Variants in DR1 observed in about 807,000 individuals in gnomAD.
DR1 encodes the protein protein Dr1.
DR1 carries 7 observed loss-of-function variants against 19.9 expected under a neutral mutation model. That is an observed-to-expected ratio of 0.35 (90% CI 0.20 to 0.66). The LOEUF is 0.66. Ranked by LOEUF, DR1 falls within the 30% of genes least tolerant of loss-of-function variation. The pLI is 0.66. For synonymous variants in DR1, 76 were observed against 72.5 expected, an observed-to-expected ratio of 1.05 and a Z score of -0.24; for missense variants, 98 against 203.7, an observed-to-expected ratio of 0.48 and a Z score of 3.16.
rs1446692314 is a variant in DR1 at position 93,345,963 on chromosome 1, C to G, written c.-683C>G. 6.5e-6 allele frequency: 1 copy of G among 154,146 alleles called. No individual in the cohort carries two copies. Among genetic ancestry groups the G allele is most frequent in the Non-Finnish European group, 1.4e-5 (1 of 68,972 alleles). The allele number at this position is 154,146 out of a possible 1,614,324, so 9.5% of individuals were successfully genotyped here. ...CCTTCCCTGGCATCTGGAGGGACCACCGTTGCCGCGTCTTCGGCTTCCACG... is the reference window on the plus strand; with the variant it reads ...CCTTCCCTGGCATCTGGAGGGACCAGCGTTGCCGCGTCTTCGGCTTCCACG... On this transcript the variant is annotated 5_prime_UTR_variant, in exon 1 of 3. Transcript: ENST00000370272.
In DR1 at chr1:93,363,280, A is replaced by G. The variant is rs981693540; in HGVS notation, c.*2641A>G. 1.3e-5 allele frequency: 2 copies of G among 152,204 alleles called. No individual in the cohort carries two copies. Among genetic ancestry groups the G allele is most frequent in the Non-Finnish European group, 2.9e-5 (2 of 68,036 alleles). The allele number at this position is 152,204 out of a possible 1,614,324, so 9.4% of individuals were successfully genotyped here. ...TTTTTTATTTTATGTAAATGTAATC[A>G]TACATAATACACTTTTTTTCATTCA... On this transcript the variant is annotated 3_prime_UTR_variant, in exon 3 of 3. Transcript: ENST00000370272.
Position 93,364,407 on chromosome 1 carries a change from A to G in DR1, c.*3768A>G, listed in dbSNP as rs1274595286. 1 of 152,194 alleles carries G rather than the reference A, an allele frequency of 6.6e-6. No individual in the cohort carries two copies. Among genetic ancestry groups the G allele is most frequent in the Non-Finnish European group, 1.5e-5 (1 of 68,028 alleles). The allele number at this position is 152,194 out of a possible 1,614,324, so 9.4% of individuals were successfully genotyped here. ...ATTGAATTTTAAATTTTGGGTTATA[A>G]CCTCATTAAAATGCATGATATTTCC... On this transcript the variant is annotated 3_prime_UTR_variant, in exon 3 of 3. Coordinates refer to ENST00000370272, the MANE Select transcript of DR1 (RefSeq NM_001938.3).
In DR1 at chr1:93,346,474, G is replaced by A. The variant is rs530366930; in HGVS notation, c.-172G>A. 9.9e-6 allele frequency: 6 copies of A among 609,108 alleles called. No homozygotes were observed. Among genetic ancestry groups the A allele is most frequent in the East Asian group, 5.5e-5 (2 of 36,340 alleles). 37.7% of individuals were successfully genotyped at this position (609,108 alleles called of 1,614,324 possible). A position where few individuals can be genotyped will look rare whatever the true frequency, so the allele number is the denominator to read the frequency against. ...CTCATCCTAAATCTCTCACACACGC[G>A]AGTGTTCCCAGCCCTCAAGCCAGCT... is the stretch of plus-strand genomic sequence containing the variant. On this transcript the variant is annotated 5_prime_UTR_variant, in exon 1 of 3. Coordinates refer to ENST00000370272, the MANE Select transcript of DR1 (RefSeq NM_001938.3).
chr1:93,352,290 T>G (rs1666922239), intron 1 of DR1, among the ~76,000 whole-genome samples: 1 of 152,218 alleles, frequency 6.6e-6, no homozygotes. Flanking sequence ...CAGGATGGTC[T>G]CGATTTCCTG....
In DR1 at chr1:93,360,852, T is replaced by C. The variant is rs1312089579; in HGVS notation, c.*213T>C. 1.2e-5 allele frequency: 6 copies of C among 494,352 alleles called. No homozygotes were observed. The highest frequency in any genetic ancestry group is 2.0e-5 in the Non-Finnish European group (6 of 294,152). 30.6% of individuals were successfully genotyped at this position (494,352 alleles called of 1,614,324 possible). A position where few individuals can be genotyped will look rare whatever the true frequency, so the allele number is the denominator to read the frequency against. On this transcript the variant is annotated 3_prime_UTR_variant, in exon 3 of 3. Transcript: ENST00000370272. The stretch of plus-strand genomic sequence containing the variant: ...TGAAAATTTAAGGTTCAGTATAATA[T>C]CAATTTTGAATTTTTAATGGTGTTT...
intron 2 of DR1, chr1:93,355,895 TTAAA>T (rs1172406512): frequency 6.6e-6 from 1 of 152,200 alleles, no homozygotes; most frequent in African/African-American, 2.4e-5. Flanking sequence ...TTTTTAGACT[TTAAA>T]TATTAACACA....
intron 1 of DR1, among the ~76,000 whole-genome samples, chr1:93,350,774 G>A (rs994122207): frequency 6.6e-6 from 1 of 152,036 alleles, no homozygotes; most frequent in Non-Finnish European, 1.5e-5. Flanking sequence ...ACGGCATAGG[G>A]TGACAGATAG....
rs935609152 is a variant in DR1 at position 93,366,934 on chromosome 1, C to T, written c.*6295C>T. The T allele has an allele frequency of 2.6e-5, 4 of 151,914 alleles. No homozygotes were observed. The highest frequency in any genetic ancestry group is 2.6e-4 in the Admixed American group (4 of 15,248). The allele number at this position is 151,914 out of a possible 1,614,324, so 9.4% of individuals were successfully genotyped here. A position where few individuals can be genotyped will look rare whatever the true frequency, so the allele number is the denominator to read the frequency against. On this transcript the variant is annotated 3_prime_UTR_variant, in exon 3 of 3. Coordinates refer to ENST00000370272, the MANE Select transcript of DR1 (RefSeq NM_001938.3). ...GGAGGATCCCTTGAGCCTGGGAGGT[C>T]GAGGCTGCAGTGAGCCATGATCACG...
chr1:93,369,140 A>C lies in DR1; in HGVS notation c.*8501A>C, dbSNP rs942327294. On this transcript the variant is annotated 3_prime_UTR_variant, in exon 3 of 3. Transcript: ENST00000370272. Reference sequence around the variant, plus strand: ...ACCAATCCCTGGCGGATACCAAGGGATGACTGTAATATAATAACATCTAAC... The same window carrying C: ...ACCAATCCCTGGCGGATACCAAGGGCTGACTGTAATATAATAACATCTAAC... 6.6e-6 allele frequency: 1 copy of C among 152,116 alleles called. No individual in the cohort carries two copies. The highest frequency in any genetic ancestry group is 1.5e-5 in the Non-Finnish European group (1 of 67,998). 9.4% of individuals were successfully genotyped at this position (152,116 alleles called of 1,614,324 possible). A position where few individuals can be genotyped will look rare whatever the true frequency, so the allele number is the denominator to read the frequency against.
chr1:93,350,984 A>G (rs184073845), intron 1 of DR1, among the ~76,000 whole-genome samples: 9 of 152,348 alleles, frequency 5.9e-5, no homozygotes, highest in Non-Finnish European at 8.8e-5. Context: ...GGTATTTACA[A>G]TAAGAATGGC....
In DR1 at chr1:93,350,586, C is replaced by G. The variant is rs144956753; in HGVS notation, c.221-3322C>G. 4.5e-3 allele frequency among the ~76,000 whole-genome samples: 682 copies of G among 152,142 alleles called. 3 individuals are homozygous for G. The highest frequency in any genetic ancestry group is 0.015 in the African/African-American group (635 of 41,492). On this transcript the variant is annotated intron_variant, in intron 1 of 2. Transcript: ENST00000370272. ...GACAGAACCTTTCAGGAGTACATCACTTTGTAAAATAAGATAAGCCTATAT... is the reference window on the plus strand; with the variant it reads ...GACAGAACCTTTCAGGAGTACATCAGTTTGTAAAATAAGATAAGCCTATAT...
At chr1:93,351,495 G>A (rs985717421) in intron 1 of DR1, among the ~76,000 whole-genome samples, 20 of 146,518 alleles carry the variant, frequency 1.4e-4, no homozygotes, top group African/African-American at 5.2e-4. Context: ...GAGTGCAGTG[G>A]TGTGACCTCG....
rs771453 is a variant in DR1 at position 93,366,137 on chromosome 1, A to C, written c.*5498A>C. The C allele has an allele frequency of 0.72, 109,978 of 151,876 alleles. 42,497 individuals are homozygous for C. The highest frequency in any genetic ancestry group is 0.96 in the East Asian group (4,968 of 5,182). The allele number at this position is 151,876 out of a possible 1,614,324, so 9.4% of individuals were successfully genotyped here. Reference sequence around the variant, plus strand: ...TGGTAACCAGCATTCAGTCTCTATGAATTGACTACTCTGGATATCTAAATG... The same window carrying C: ...TGGTAACCAGCATTCAGTCTCTATGCATTGACTACTCTGGATATCTAAATG... On this transcript the variant is annotated 3_prime_UTR_variant, in exon 3 of 3. Transcript: ENST00000370272.
intron 1 of DR1, among the ~76,000 whole-genome samples, chr1:93,347,495 C>T (rs1666864964): frequency 6.6e-6 from 1 of 152,108 alleles, no homozygotes; most frequent in South Asian, 2.1e-4. Flanking sequence ...TTTAAATTTT[C>T]GTTTTTTTCT....
chr1:93,360,677 T>G lies in DR1; in HGVS notation c.*38T>G. The stretch of plus-strand genomic sequence containing the variant: ...GAGTTTCTATTTCTTCTATAAATGT[T>G]TTTCCCTGCACAACAAAAACAGTGA... On this transcript the variant is annotated 3_prime_UTR_variant, in exon 3 of 3. Coordinates refer to ENST00000370272, the MANE Select transcript of DR1 (RefSeq NM_001938.3). The G allele has an allele frequency of 6.4e-7, 1 of 1,572,670 alleles. No individual in the cohort carries two copies. Among genetic ancestry groups the G allele is most frequent in the Non-Finnish European group, 8.6e-7 (1 of 1,167,388 alleles).
Position 93,350,635 on chromosome 1 carries a change from A to C in DR1, c.221-3273A>C, listed in dbSNP as rs531279326. Among the ~76,000 whole-genome samples the C allele has an allele frequency of 5.3e-5, 8 of 152,260 alleles. No homozygotes were observed. In the South Asian group the frequency reaches 1.7e-3, roughly 31 times the overall value. On this transcript the variant is annotated intron_variant, in intron 1 of 2. Transcript: ENST00000370272. ...ATGAAGATTATTGTTGCTTCAAAGAAATTTTTACTTCTTTTTTGTTTTTTT... is the reference window on the plus strand; with the variant it reads ...ATGAAGATTATTGTTGCTTCAAAGACATTTTTACTTCTTTTTTGTTTTTTT...
intron 1 of DR1, among the ~76,000 whole-genome samples, chr1:93,349,515 G>A (rs1666892105): frequency 1.3e-5 from 2 of 151,936 alleles, no homozygotes; most frequent in African/African-American, 2.4e-5. Context: ...TTTAACTAAG[G>A]TTTTCTTATT....
intron 1 of DR1, among the ~76,000 whole-genome samples, chr1:93,351,325 T>C (rs1666909924): frequency 1.3e-5 from 2 of 152,106 alleles, no homozygotes; most frequent in African/African-American, 2.4e-5. Flanking sequence ...TTGGACCTAC[T>C]TGAAAGCAGT....
At chr1:93,360,378 G>C in intron 2 of DR1, 115 bp from the exon 3 acceptor site, 1 of 898,194 alleles carries the variant, frequency 1.1e-6, no homozygotes, top group Non-Finnish European at 1.6e-6. Flanking sequence ...TACTTGGACA[G>C]TATCCAAGTA....
Sources: gnomAD v4.1 joint callset for allele counts (sites outside exome capture counted in the v4.1 genomes callset) on GRCh38, gnomAD v4.1.1 for gene constraint, MANE v1.5 for transcripts, NCBI Gene and HGNC (gene_info 2026-07-23, HGNC 2026-07-21) for gene names.